The following ZNF587 variants were observed in gnomAD, a reference collection of about 807,000 sequenced individuals.
The protein encoded by ZNF587 is zinc finger protein 587.
A neutral mutation model predicts 7.5 loss-of-function variants in ZNF587; 8 were observed. The observed-to-expected ratio is 1.06, with a 90% CI of 0.62 to 1.92. The LOEUF (loss-of-function observed/expected upper bound fraction) is 1.92, where lower values mean the gene tolerates loss of function less well. Ranked by LOEUF, ZNF587 falls within the 40% of genes most tolerant of loss-of-function variation. ZNF587 has a pLI of 0.00. For synonymous variants in ZNF587, 145 were observed against 237.8 expected, an observed-to-expected ratio of 0.61 and a Z score of 3.59; for missense variants, 468 against 692.8, an observed-to-expected ratio of 0.68 and a Z score of 3.64.
In ZNF587 at chr19:57,858,692, T is replaced by G. The variant is rs774551607; in HGVS notation, c.280T>G (p.Cys94Gly). The G allele has an allele frequency of 3.1e-6, 5 of 1,599,492 alleles. No homozygotes were observed. In the South Asian group the frequency reaches 3.3e-5, roughly 11 times the overall value. ...AGVSPKKAHP[C>G]EMCGLILEDV... ...TGTTTCTCCTAAGAAGGCTCACCCC[T>G]GTGAAATGTGTGGCCTCATCTTGGA... The change falls in exon 3 of 3, where the codon TGT becomes GGT. Residue 94 changes from cysteine to glycine, a missense_variant. Cys to Gly is a radical substitution (Grantham distance 159). Coordinates refer to ENST00000339656, the MANE Select transcript of ZNF587 (RefSeq NM_032828.4).
At position 57,861,150 on chromosome 19, in the gene ZNF587, C is replaced by T. The variant is rs1336099458; in HGVS notation, c.*1010C>T. 1 of 152,090 alleles carries T rather than the reference C, an allele frequency of 6.6e-6. No homozygotes were observed. Among genetic ancestry groups the T allele is most frequent in the African/African-American group, 2.4e-5 (1 of 41,408 alleles). The allele number at this position is 152,090 out of a possible 1,614,324, so 9.4% of individuals were successfully genotyped here. ...GACCTACTGTGCTTGGCCTAATGTA[C>T]AACTTTTTAAGCAATGCCAAACTAT... On this transcript the variant is annotated 3_prime_UTR_variant, in exon 3 of 3. Transcript: ENST00000339656.
At chr19:57,856,829 G>C (rs2071362115) in intron 2 of ZNF587, among the ~76,000 whole-genome samples, 1 of 152,004 alleles carries the variant, frequency 6.6e-6, no homozygotes, top group South Asian at 2.1e-4. Flanking sequence ...CTGGCTGTCA[G>C]GTGACTGTCC....
At chr19:57,851,998 T>C (rs2071286816) in intron 1 of ZNF587, 1 of 226,402 alleles carries the variant, frequency 4.4e-6, no homozygotes, top group Non-Finnish European at 8.6e-6. Flanking sequence ...ATGTTTGTAA[T>C]GTCTGCCTTT....
intron 1 of ZNF587, among the ~76,000 whole-genome samples, chr19:57,853,120 T>A (rs990677507): frequency 2.0e-4 from 30 of 152,154 alleles, no homozygotes; most frequent in Non-Finnish European, 3.2e-4. Flanking sequence ...CCCCAAGTGC[T>A]GGGATTATAG....
In ZNF587 at chr19:57,862,424, C is replaced by CTACT. The variant is rs904882277; in HGVS notation, c.*2290_*2293dup. On this transcript the variant is annotated 3_prime_UTR_variant, in exon 3 of 3. Coordinates refer to ENST00000339656, the MANE Select transcript of ZNF587 (RefSeq NM_032828.4). The stretch of plus-strand genomic sequence containing the variant: ...GTGTTCTGAGGCTTTTGTCTTCTAG[C>CTACT]TACTTACTTCATTCTCCATGGGTAA... 1 of 152,250 alleles carries CTACT rather than the reference C, an allele frequency of 6.6e-6. No homozygotes were observed. The highest frequency in any genetic ancestry group is 1.9e-4 in the East Asian group (1 of 5,198). 9.4% of individuals were successfully genotyped at this position (152,250 alleles called of 1,614,324 possible). A position where few individuals can be genotyped will look rare whatever the true frequency, so the allele number is the denominator to read the frequency against.
chr19:57,855,724 G>C (rs1339929264), intron 1 of ZNF587, among the ~76,000 whole-genome samples: 1 of 152,002 alleles, frequency 6.6e-6, no homozygotes, highest in East Asian at 1.9e-4. Context: ...ACCATGCCCG[G>C]CTAATTTTTT....
At chr19:57,853,552 C>A (rs1405698572) in intron 1 of ZNF587, among the ~76,000 whole-genome samples, 1 of 152,082 alleles carries the variant, frequency 6.6e-6, no homozygotes, top group Admixed American at 6.6e-5. Context: ...TTACTTACGT[C>A]CTCAATTGAT....
Position 57,860,273 on chromosome 19 carries a change from A to C in ZNF587, c.*133A>C. ...AGAATGTCTGCTGTCCTCGGTCTTA[A>C]GCGACTTCGTGTTGAGATGGAGTCT... On this transcript the variant is annotated 3_prime_UTR_variant, in exon 3 of 3. Coordinates refer to ENST00000339656, the MANE Select transcript of ZNF587 (RefSeq NM_032828.4). The C allele has an allele frequency of 2.6e-6, 4 of 1,534,140 alleles. No individual in the cohort carries two copies. Among genetic ancestry groups the C allele is most frequent in the Non-Finnish European group, 3.6e-6 (4 of 1,125,056 alleles).
chr19:57,852,503 CT>C (rs1333815236), intron 1 of ZNF587: 1 of 397,150 alleles, frequency 2.5e-6, no homozygotes, highest in African/African-American at 2.1e-5. Flanking sequence ...TCAGGATTCA[CT>C]TTTTGTAAAG....
At position 57,860,820 on chromosome 19, in the gene ZNF587, A is replaced by C. The variant is rs1437768336; in HGVS notation, c.*680A>C. On this transcript the variant is annotated 3_prime_UTR_variant, in exon 3 of 3. Coordinates refer to ENST00000339656, the MANE Select transcript of ZNF587 (RefSeq NM_032828.4). ...CATGTAGGTATGTTTCACTATGGTAATATGGTGGTGTGCAGTGCCTGAGTC... is the reference window on the plus strand; with the variant it reads ...CATGTAGGTATGTTTCACTATGGTACTATGGTGGTGTGCAGTGCCTGAGTC... The C allele has an allele frequency of 6.5e-6, 1 of 152,860 alleles. No homozygotes were observed. The highest frequency in any genetic ancestry group is 2.4e-5 in the African/African-American group (1 of 41,434). The allele number at this position is 152,860 out of a possible 1,614,324, so 9.5% of individuals were successfully genotyped here. A position where few individuals can be genotyped will look rare whatever the true frequency, so the allele number is the denominator to read the frequency against.
intron 1 of ZNF587, among the ~76,000 whole-genome samples, chr19:57,852,861 TTTTTTTTTTG>T (rs2071299464): frequency 7.4e-6 from 1 of 135,848 alleles, no homozygotes; most frequent in African/African-American, 2.9e-5. Context: ...TTTTTTTTTT[TTTTTTTTTTG>T]AGACGGAGTT....
chr19:57,860,297 C>A lies in ZNF587; in HGVS notation c.*157C>A. ...AAGCGACTTCGTGTTGAGATGGAGT[C>A]TTGTTCTGTCACCCAGGCTGGAGTG... On this transcript the variant is annotated 3_prime_UTR_variant, in exon 3 of 3. Coordinates refer to ENST00000339656, the MANE Select transcript of ZNF587 (RefSeq NM_032828.4). 1.4e-6 allele frequency: 2 copies of A among 1,413,034 alleles called. No homozygotes were observed. The highest frequency in any genetic ancestry group is 1.9e-6 in the Non-Finnish European group (2 of 1,030,126). 87.5% of individuals were successfully genotyped at this position (1,413,034 alleles called of 1,614,324 possible). A position where few individuals can be genotyped will look rare whatever the true frequency, so the allele number is the denominator to read the frequency against.
chr19:57,850,452 G>C (rs1217364847), intron 1 of ZNF587: 3 of 505,238 alleles, frequency 5.9e-6, no homozygotes, highest in East Asian at 6.3e-5. Context: ...GGATTCATAG[G>C]GGGTTAAAGT....
In ZNF587 at chr19:57,849,878, C is replaced by A; in HGVS notation, c.-161C>A. On this transcript the variant is annotated 5_prime_UTR_variant, in exon 1 of 3. Coordinates refer to ENST00000339656, the MANE Select transcript of ZNF587 (RefSeq NM_032828.4). ...GTCTCTAGTAGCGGCTGTGTATCGGCGATGCGGGTGTTTCCCCAGTTTGTG... is the reference window on the plus strand; with the variant it reads ...GTCTCTAGTAGCGGCTGTGTATCGGAGATGCGGGTGTTTCCCCAGTTTGTG... The A allele has an allele frequency of 2.0e-6, 3 of 1,502,512 alleles. No homozygotes were observed. Among genetic ancestry groups the A allele is most frequent in the South Asian group, 2.6e-5 (2 of 77,724 alleles). 93.1% of individuals were successfully genotyped at this position (1,502,512 alleles called of 1,614,324 possible).
intron 1 of ZNF587, chr19:57,851,723 T>C (rs2071283149): frequency 1.3e-5 from 2 of 152,108 alleles, no homozygotes; most frequent in Non-Finnish European, 2.9e-5. Flanking sequence ...CTAGAAGCCA[T>C]GGAGAGTTTT....
intron 2 of ZNF587, among the ~76,000 whole-genome samples, chr19:57,856,845 G>A (rs1311729834): frequency 1.3e-5 from 2 of 151,912 alleles, no homozygotes; most frequent in South Asian, 2.1e-4. Flanking sequence ...TGTCCAAATC[G>A]GTAGCTCTTG....
chr19:57,850,391 G>C (rs1456366156), intron 1 of ZNF587: 2 of 574,332 alleles, frequency 3.5e-6, no homozygotes, highest in Non-Finnish European at 6.1e-6. Flanking sequence ...TTCAAAATTT[G>C]GCGGGTAGGG....
At chr19:57,855,810 A>G (rs1338099785) in intron 1 of ZNF587, among the ~76,000 whole-genome samples, 1 of 152,152 alleles carries the variant, frequency 6.6e-6, no homozygotes, top group Non-Finnish European at 1.5e-5. Flanking sequence ...ATCTGCCCGA[A>G]TCAGTGTCCC....
chr19:57,856,261 C>G lies in ZNF587; in HGVS notation c.163+28C>G, dbSNP rs750181443. The G allele has an allele frequency of 4.5e-6, 7 of 1,552,674 alleles. No homozygotes were observed. In the South Asian group the frequency reaches 7.5e-5, roughly 17 times the overall value. ...AAGTTGCTCACGCTCACCTTTGTGA[C>G]CTGAGCTAGTGTTACTGTTCCCCTG... is the stretch of plus-strand genomic sequence containing the variant. On this transcript the variant is annotated intron_variant, in intron 2 of 2. Coordinates refer to ENST00000339656, the MANE Select transcript of ZNF587 (RefSeq NM_032828.4).
Sources: allele counts gnomAD v4.1 joint callset (sites outside exome capture counted in the v4.1 genomes callset), GRCh38; gene constraint gnomAD v4.1.1; transcripts MANE v1.5; gene names NCBI Gene and HGNC (gene_info 2026-07-23, HGNC 2026-07-21).